CLIC4: variants seen among roughly 807,000 people sequenced by gnomAD.
CLIC4 encodes the protein chloride intracellular channel protein 4.
Under a neutral mutation model 24.6 loss-of-function variants are expected in CLIC4, and 13 were observed. That is an observed-to-expected ratio of 0.53 (90% CI 0.34 to 0.84). The LOEUF is 0.84. Ranked by LOEUF, CLIC4 falls within the 40% of genes least tolerant of loss-of-function variation. CLIC4 has a pLI of 0.01. For synonymous variants in CLIC4, 104 were observed against 111.3 expected, an observed-to-expected ratio of 0.93 and a Z score of 0.41; for missense variants, 227 against 301.7, an observed-to-expected ratio of 0.75 and a Z score of 1.83.
At chr1:24,792,551 C>T (rs1263476355) in intron 1 of CLIC4, among the ~76,000 whole-genome samples, 5 of 152,014 alleles carry the variant, frequency 3.3e-5, no homozygotes, top group Non-Finnish European at 7.4e-5. Flanking sequence ...ACTAGTAGCT[C>T]CCAATTTTCT....
intron 1 of CLIC4, among the ~76,000 whole-genome samples, chr1:24,775,224 C>CTTTTTTT: frequency 3.6e-3 from 324 of 90,424 alleles, no homozygotes; most frequent in Non-Finnish European, 4.0e-3. Flanking sequence ...TTCTTTCTTT[C>CTTTTTTT]TTTTTTTTTT....
At chr1:24,808,025 A>T (rs1194209732) in intron 2 of CLIC4, among the ~76,000 whole-genome samples, 2 of 150,924 alleles carry the variant, frequency 1.3e-5, no homozygotes, top group Non-Finnish European at 2.9e-5. Context: ...ATCTCAGCTC[A>T]CTGCAACCTT....
At chr1:24,831,852 T>A (rs1018928590) in intron 4 of CLIC4, among the ~76,000 whole-genome samples, 4 of 152,230 alleles carry the variant, frequency 2.6e-5, no homozygotes, top group African/African-American at 9.6e-5. Context: ...TTGGCCAGGC[T>A]GGTCTTGAAC....
intron 3 of CLIC4, among the ~76,000 whole-genome samples, chr1:24,818,676 G>C: frequency 6.6e-6 from 1 of 152,028 alleles, no homozygotes; most frequent in East Asian, 1.9e-4. Flanking sequence ...GAATATATTA[G>C]TAAATAAAAC....
At position 24,784,907 on chromosome 1, in the gene CLIC4, G is replaced by A. The variant is rs984348253; in HGVS notation, c.73-12835G>A. On this transcript the variant is annotated intron_variant, in intron 1 of 5. Transcript: ENST00000374379. ...TAGTCCCAGCTACTCAGGAGGCTGAGGCTGGAGAATGGCGTGAACCCGGGA... is the reference window on the plus strand; with the variant it reads ...TAGTCCCAGCTACTCAGGAGGCTGAAGCTGGAGAATGGCGTGAACCCGGGA... 3.3e-5 allele frequency among the ~76,000 whole-genome samples: 5 copies of A among 151,822 alleles called. No homozygotes were observed. In the South Asian group the frequency reaches 1.0e-3, roughly 31 times the overall value.
chr1:24,825,041 A>AC (rs1557813792), intron 3 of CLIC4, among the ~76,000 whole-genome samples: 31 of 117,686 alleles, frequency 2.6e-4, no homozygotes, highest in African/African-American at 9.2e-4. Flanking sequence ...CACACACACA[A>AC]AAGTACAAAA....
chr1:24,789,273 T>C (rs190786500), intron 1 of CLIC4, among the ~76,000 whole-genome samples: 36 of 152,342 alleles, frequency 2.4e-4, no homozygotes, highest in Non-Finnish European at 4.1e-4. Context: ...ATCCCAGCAC[T>C]TTGGGAGACC....
chr1:24,826,981 C>A, intron 3 of CLIC4, 29 bp from the exon 4 acceptor site: 3 of 1,476,980 alleles, frequency 2.0e-6, no homozygotes, highest in Non-Finnish European at 1.9e-6. Context: ...TTTGAAGGAT[C>A]TATAATCCAT....
chr1:24,757,415 G>C (rs373514722), intron 1 of CLIC4, among the ~76,000 whole-genome samples: 4 of 152,280 alleles, frequency 2.6e-5, no homozygotes, highest in South Asian at 2.1e-4. Context: ...TAGAGAACAG[G>C]TGGTGGATTA....
At chr1:24,766,054 A>T (rs1638991418) in intron 1 of CLIC4, among the ~76,000 whole-genome samples, 1 of 151,844 alleles carries the variant, frequency 6.6e-6, no homozygotes, top group Non-Finnish European at 1.5e-5. Flanking sequence ...GCCAGGATGG[A>T]GTGCAGTGGC....
intron 4 of CLIC4, among the ~76,000 whole-genome samples, chr1:24,838,144 C>T (rs1639904256): frequency 6.6e-6 from 1 of 152,116 alleles, no homozygotes. Flanking sequence ...AGCATTCACC[C>T]TGGGAGTCTT....
chr1:24,756,467 A>G (rs536375634), intron 1 of CLIC4, among the ~76,000 whole-genome samples: 1 of 152,354 alleles, frequency 6.6e-6, no homozygotes, highest in Admixed American at 6.5e-5. Flanking sequence ...GGAGTATGAC[A>G]GGTTTTCTTT....
At chr1:24,754,637 A>C (rs567818746) in intron 1 of CLIC4, among the ~76,000 whole-genome samples, 124 of 152,310 alleles carry the variant, frequency 8.1e-4, no homozygotes, top group African/African-American at 2.9e-3. Context: ...CCTATTGTCC[A>C]AGGATGATTT....
intron 1 of CLIC4, among the ~76,000 whole-genome samples, chr1:24,780,014 C>T (rs1639184368): frequency 6.6e-6 from 1 of 152,148 alleles, no homozygotes; most frequent in Non-Finnish European, 1.5e-5. Flanking sequence ...TCCTGTTACC[C>T]TGTTCTGGCA....
chr1:24,784,482 G>C (rs950979062), intron 1 of CLIC4, among the ~76,000 whole-genome samples: 1 of 152,170 alleles, frequency 6.6e-6, no homozygotes, highest in Admixed American at 6.6e-5. Context: ...TGTTTTGGAC[G>C]AGCAGAGAGA....
intron 1 of CLIC4, among the ~76,000 whole-genome samples, chr1:24,766,681 T>C (rs1471676604): frequency 6.6e-6 from 1 of 150,934 alleles, no homozygotes; most frequent in Non-Finnish European, 1.5e-5. Flanking sequence ...TTTTTTTGTA[T>C]TTTTAGTAGA....
chr1:24,839,737 A>T, intron 4 of CLIC4, 123 bp from the exon 5 acceptor site: 1 of 824,524 alleles, frequency 1.2e-6, no homozygotes, highest in South Asian at 2.1e-5. Flanking sequence ...GTTTTGTTCT[A>T]CAGTACCTTG....
chr1:24,749,975 G>A (rs1346662437), intron 1 of CLIC4, among the ~76,000 whole-genome samples: 1 of 152,176 alleles, frequency 6.6e-6, no homozygotes, highest in Non-Finnish European at 1.5e-5. Context: ...ACATGCCTGT[G>A]GTCCCAGCTG....
At chr1:24,769,028 T>C (rs969571247) in intron 1 of CLIC4, among the ~76,000 whole-genome samples, 2 of 151,986 alleles carry the variant, frequency 1.3e-5, no homozygotes, top group Non-Finnish European at 2.9e-5. Flanking sequence ...GCCTGTGGTC[T>C]CAGCTACTAG....
Sources: allele counts gnomAD v4.1 joint callset (sites outside exome capture counted in the v4.1 genomes callset), GRCh38; gene constraint gnomAD v4.1.1; transcripts MANE v1.5; gene names NCBI Gene and HGNC (gene_info 2026-07-23, HGNC 2026-07-21).